Variants in NECAB3 observed in about 807,000 individuals in gnomAD.
NECAB3 encodes the protein N-terminal EF-hand calcium-binding protein 3.
Under a neutral mutation model 57.2 loss-of-function variants are expected in NECAB3, and 38 were observed. The ratio of observed to expected loss-of-function variants is 0.66; its 90% CI spans 0.51 to 0.87. NECAB3 has a LOEUF of 0.87. NECAB3 is among the 40% of genes least tolerant of loss of function. NECAB3 has a pLI of 0.00. For missense variants in NECAB3, 474 were observed against 527.5 expected (o/e 0.90, Z 0.99); for synonymous variants, 223 against 222.6 (o/e 1.00, Z -0.02).
intron 5 of NECAB3, chr20:33,663,313 G>C: frequency 1.8e-6 from 1 of 569,234 alleles, no homozygotes; most frequent in Non-Finnish European, 3.1e-6. Context: ...TTTCCAGAAA[G>C]GAGGCGGAGT....
chr20:33,658,878 A>G (rs1252122730), intron 8 of NECAB3, 44 bp from the exon 9 acceptor site: 1 of 1,450,706 alleles, frequency 6.9e-7, no homozygotes, highest in Non-Finnish European at 9.6e-7. Flanking sequence ...GGCCGGGCAC[A>G]GGGGAGGGAC....
intron 9 of NECAB3, 26 bp downstream of exon 9, chr20:33,658,696 A>G: frequency 6.2e-7 from 1 of 1,607,524 alleles, no homozygotes; most frequent in Non-Finnish European, 8.5e-7. Context: ...CCCACTGGCC[A>G]TCCCACCTGC....
chr20:33,670,181 T>C, intron 3 of NECAB3: 1 of 176,226 alleles, frequency 5.7e-6, no homozygotes, highest in South Asian at 1.5e-4. Context: ...CAGATGAAGG[T>C]TCCAGCCCAA....
chr20:33,669,557 C>T, intron 4 of NECAB3, 85 bp from the exon 5 acceptor site: 2 of 1,557,836 alleles, frequency 1.3e-6, no homozygotes, highest in Non-Finnish European at 8.8e-7. Context: ...AATTCCTCAG[C>T]AGCCAAGCAG....
chr20:33,662,226 A>C, intron 5 of NECAB3: 1 of 1,334,816 alleles, frequency 7.5e-7, no homozygotes, highest in African/African-American at 1.5e-5. Flanking sequence ...GGGCCCTGGA[A>C]GGCGGTGCTC....
chr20:33,667,186 G>A (rs2017681956), intron 5 of NECAB3: 1 of 277,652 alleles, frequency 3.6e-6, no homozygotes, highest in East Asian at 6.0e-5. Flanking sequence ...GGCGGGCTTC[G>A]CGGGCGAGAA....
At chr20:33,658,692 G>GGCCATCCCACCT (rs2017360549) in intron 9 of NECAB3, 30 bp downstream of exon 9, 1 of 1,605,702 alleles carries the variant, frequency 6.2e-7, no homozygotes, top group Non-Finnish European at 8.5e-7. Flanking sequence ...CCTCCCCACT[G>GGCCATCCCACCT]GCCATCCCAC....
intron 1 of NECAB3, among the ~76,000 whole-genome samples, chr20:33,672,816 C>A (rs2017856364): frequency 6.6e-6 from 1 of 152,176 alleles, no homozygotes; most frequent in African/African-American, 2.4e-5. Flanking sequence ...TCTTGCACAG[C>A]CGTCCTAGAC....
chr20:33,668,206 T>G (rs758138212), intron 5 of NECAB3: 1 of 1,604,258 alleles, frequency 6.2e-7, no homozygotes, highest in Non-Finnish European at 8.5e-7. Context: ...GGAGTGTGGC[T>G]CCAGGCTGCT....
chr20:33,672,426 G>A lies in NECAB3; in HGVS notation c.130-4C>T. The A allele has an allele frequency of 2.5e-6, 4 of 1,614,160 alleles. No homozygotes were observed. The highest frequency in any genetic ancestry group is 1.7e-5 in the Admixed American group (1 of 60,032). Reference sequence around the variant, plus strand: ...TCTTGTCTGCTCTGCGGAAAACCTAGAGGACAAAGGGACATAGAGAGAACT... The same window carrying A: ...TCTTGTCTGCTCTGCGGAAAACCTAAAGGACAAAGGGACATAGAGAGAACT... On this transcript the variant is annotated splice_polypyrimidine_tract_variant and splice_region_variant and intron_variant, in intron 1 of 11. Coordinates refer to ENST00000246190, the MANE Select transcript of NECAB3 (RefSeq NM_031232.4).
At chr20:33,668,316 G>A (rs1335037405) in intron 5 of NECAB3, 2 of 1,512,228 alleles carry the variant, frequency 1.3e-6, no homozygotes, top group African/African-American at 1.4e-5. Flanking sequence ...AGCTGGCAGG[G>A]TCCTCCTGGA....
intron 3 of NECAB3, 164 bp downstream of exon 3, chr20:33,670,520 G>T: frequency 3.7e-6 from 2 of 539,526 alleles, no homozygotes; most frequent in Non-Finnish European, 6.6e-6. Flanking sequence ...CAAGGCTGTA[G>T]CTGGAGAGGG....
At chr20:33,665,086 C>G (rs533986158) in intron 5 of NECAB3, 1 of 152,464 alleles carries the variant, frequency 6.6e-6, no homozygotes, top group East Asian at 1.9e-4. Context: ...CCAAGCTGGT[C>G]CTGTCAGCCC....
chr20:33,671,411 G>A (rs1034892308), intron 2 of NECAB3, among the ~76,000 whole-genome samples: 1 of 152,114 alleles, frequency 6.6e-6, no homozygotes, highest in African/African-American at 2.4e-5. Flanking sequence ...CTGACCCGGG[G>A]GAGGATCTGA....
intron 5 of NECAB3, chr20:33,667,430 C>T (rs2017692607): frequency 2.1e-6 from 3 of 1,411,210 alleles, no homozygotes; most frequent in South Asian, 3.1e-5. Context: ...TCGCCGTTGG[C>T]GCCGCCCGCG....
At position 33,660,894 on chromosome 20, in the gene NECAB3, C is replaced by T. The variant is rs2017452888; in HGVS notation, c.388-499G>A. Among the ~76,000 whole-genome samples, 1 of 152,212 alleles carries T rather than the reference C, an allele frequency of 6.6e-6. No individual in the cohort carries two copies. The highest frequency in any genetic ancestry group is 6.5e-5 in the Admixed American group (1 of 15,286). ...TTTACTAGGAGCTGCTGATAAAAGA[C>T]AATCAGGTTGCCATTCTCACTCAGA... On this transcript the variant is annotated intron_variant, in intron 5 of 11. Coordinates refer to ENST00000246190, the MANE Select transcript of NECAB3 (RefSeq NM_031232.4). This position sits in a 1 kb window ranked among gnomAD's most constrained non-coding sequence, Gnocchi z 4.1.
intron 5 of NECAB3, chr20:33,664,174 G>A (rs1007469239): frequency 1.1e-5 from 4 of 356,946 alleles, no homozygotes; most frequent in Non-Finnish European, 1.5e-5. Flanking sequence ...GCAGGCTCAA[G>A]GGAGGTGGGC....
chr20:33,669,718 G>A lies in NECAB3; in HGVS notation c.264-6C>T, dbSNP rs1172735916. 2 of 1,592,944 alleles carry A rather than the reference G, an allele frequency of 1.3e-6. No individual in the cohort carries two copies. The highest frequency in any genetic ancestry group is 1.3e-5 in the African/African-American group (1 of 74,526). ...GTTTTTCTGTTTCTAAATTGCTGCA[G>A]GGAAAAGAGAAGGCGCCCTTCAGAC... On this transcript the variant is annotated splice_polypyrimidine_tract_variant and splice_region_variant and intron_variant, in intron 3 of 11. Transcript: ENST00000246190.
chr20:33,672,900 T>C (rs1330988533), intron 1 of NECAB3, among the ~76,000 whole-genome samples: 4 of 152,112 alleles, frequency 2.6e-5, no homozygotes, highest in African/African-American at 9.7e-5. Context: ...TTGCGTGCTG[T>C]TGAAAACCAA....
Sources: allele counts gnomAD v4.1 joint callset (sites outside exome capture counted in the v4.1 genomes callset), GRCh38; gene constraint gnomAD v4.1.1; non-coding constraint Gnocchi (gnomAD v3.1); transcripts MANE v1.5; gene names NCBI Gene and HGNC (gene_info 2026-07-23, HGNC 2026-07-21).